Variants in DRAM2 observed in about 807,000 individuals in gnomAD.
DRAM2 encodes DNA damage-regulated autophagy modulator protein 2.
DRAM2 carries 26 observed loss-of-function variants against 33.5 expected under a neutral mutation model. That is an observed-to-expected ratio of 0.78 (90% CI 0.57 to 1.08). DRAM2 has a LOEUF of 1.08. Among genes scored for constraint, DRAM2 ranks in the 50% least tolerant of loss-of-function variants. The pLI is 0.00. For missense variants in DRAM2, 311 were observed against 318.1 expected (o/e 0.98, Z 0.17); for synonymous variants, 98 against 109.5 (o/e 0.89, Z 0.66).
chr1:111,134,282 TGAA>T (rs1289524557), intron 3 of DRAM2, among the ~76,000 whole-genome samples: 1 of 152,074 alleles, frequency 6.6e-6, no homozygotes. Flanking sequence ...ATTTCATGTT[TGAA>T]GGAGTATCTT....
intron 8 of DRAM2, 90 bp from the exon 9 acceptor site, chr1:111,118,987 T>C (rs183411951): frequency 7.0e-5 from 60 of 859,482 alleles, no homozygotes; most frequent in East Asian, 6.8e-4. Flanking sequence ...ACAATTCTTA[T>C]AAAATAATGG....
chr1:111,131,997 G>C (rs145106342), intron 3 of DRAM2, among the ~76,000 whole-genome samples: 2 of 152,240 alleles, frequency 1.3e-5, no homozygotes, highest in East Asian at 3.9e-4. Flanking sequence ...CTCTTAAAAC[G>C]CTTGGAATCT....
At chr1:111,138,386 A>C (rs1257205069) in intron 2 of DRAM2, among the ~76,000 whole-genome samples, 1 of 152,260 alleles carries the variant, frequency 6.6e-6, no homozygotes, top group African/African-American at 2.4e-5. Context: ...AGTAATTGCC[A>C]AACCAACAAA....
rs181815070 is a variant in DRAM2 at position 111,132,564 on chromosome 1, T to C, written c.-14-996A>G. Among the ~76,000 whole-genome samples the C allele has an allele frequency of 9.3e-4, 142 of 152,298 alleles. 3 individuals carry two copies. The highest frequency in any genetic ancestry group is 2.8e-4 in the Non-Finnish European group (19 of 68,020). On this transcript the variant is annotated intron_variant, in intron 3 of 9. Coordinates refer to ENST00000484310, the MANE Select transcript of DRAM2 (RefSeq NM_001349884.2). Reference sequence around the variant, plus strand: ...ATACCATCAGAATTGAATTAGGGGATATCCAATTGGTGTCAGCTGGTGGAG... The same window carrying C: ...ATACCATCAGAATTGAATTAGGGGACATCCAATTGGTGTCAGCTGGTGGAG...
chr1:111,118,171 T>C lies in DRAM2; in HGVS notation c.790A>G (p.Arg264Gly). The change falls in exon 10 of 10, where the codon AGA becomes GGA. Residue 264 changes from arginine (R) to glycine (G), a missense_variant. Physicochemically the swap from Arg to Gly is moderately radical, Grantham distance 125. Coordinates refer to ENST00000484310, the MANE Select transcript of DRAM2 (RefSeq NM_001349884.2). ...INNERTRLLS[R>G]DI ...ATTTTATCCTTTCATCAAATATCTC[T>C]GGAAAGTAGCCGTGTTCGTTCATTG... 1 of 1,612,258 alleles carries C rather than the reference T, an allele frequency of 6.2e-7. No individual in the cohort carries two copies. Among genetic ancestry groups the C allele is most frequent in the Non-Finnish European group, 8.5e-7 (1 of 1,178,484 alleles).
In DRAM2 at chr1:111,131,520, G is replaced by C; in HGVS notation, c.35C>G (p.Pro12Arg). Residue 12 changes from proline to arginine, a missense_variant, in exon 4 of 10, where the codon CCT becomes CGT. Coordinates refer to ENST00000484310, the MANE Select transcript of DRAM2 (RefSeq NM_001349884.2). Reference sequence around the variant, plus strand: ...AGATGTCCAAATTACAAGGGCTGAAGGAAGGAAACTGAGGCCTTGCTGAAA... The same window carrying C: ...AGATGTCCAAATTACAAGGGCTGAACGAAGGAAACTGAGGCCTTGCTGAAA... ...WWFQQGLSFL[P>R]SALVIWTSAA... 5.0e-6 allele frequency: 8 copies of C among 1,614,154 alleles called. No individual in the cohort carries two copies. The highest frequency in any genetic ancestry group is 6.8e-6 in the Non-Finnish European group (8 of 1,180,018).
intron 6 of DRAM2, among the ~76,000 whole-genome samples, chr1:111,122,800 A>G (rs1479084190): frequency 1.3e-5 from 2 of 152,178 alleles, no homozygotes; most frequent in Non-Finnish European, 2.9e-5. Context: ...GAGGGCATCT[A>G]AAGTTGCATG....
intron 3 of DRAM2, among the ~76,000 whole-genome samples, chr1:111,137,251 CAAAAAAAAAAAA>C (rs71580572): frequency 1.5e-5 from 1 of 68,680 alleles, no homozygotes; most frequent in Admixed American, 1.6e-4. Context: ...GATTCCATCT[CAAAAAAAAAAAA>C]AAAAAAAAAA....
Position 111,118,161 on chromosome 1 carries a change from C to T in DRAM2, c.800G>A (p.Ter267=), listed in dbSNP as rs757539365. Residue 267 remains the stop codon, a stop_retained_variant, in exon 10 of 10, where the codon TGA becomes TAA. Transcript: ENST00000484310. ...TTACAGAAATATTTTATCCTTTCATCAAATATCTCTGGAAAGTAGCCGTGT... is the reference window on the plus strand; with the variant it reads ...TTACAGAAATATTTTATCCTTTCATTAAATATCTCTGGAAAGTAGCCGTGT... ...ERTRLLSRDI[*] 6.2e-7 allele frequency: 1 copy of T among 1,608,940 alleles called. No individual in the cohort carries two copies. Among genetic ancestry groups the T allele is most frequent in the Non-Finnish European group, 8.5e-7 (1 of 1,175,534 alleles).
Position 111,119,908 on chromosome 1 carries a change from T to C in DRAM2, c.569A>G (p.Glu190Gly), listed in dbSNP as rs1414440232. The C allele has an allele frequency of 2.5e-6, 4 of 1,612,926 alleles. No homozygotes were observed. The highest frequency in any genetic ancestry group is 1.7e-5 in the Admixed American group (1 of 59,932). The change falls in exon 8 of 10, where the codon GAA (glutamate) becomes GGA (glycine). Residue 190 changes from glutamate to glycine, a missense_variant. By Grantham distance (98) the Glu-to-Gly change is moderately conservative (BLOSUM62 -2). Coordinates refer to ENST00000484310, the MANE Select transcript of DRAM2 (RefSeq NM_001349884.2). The part of the protein sequence containing the change: ...LHSGNFGTDL[E>G]QKLHWNPEDK... ...CTCGGGGTTCCAATGGAGTTTCTGT[T>C]CTAAATCAGTCCCAAAATTGCCACT...
At chr1:111,134,940 A>G (rs147137739) in intron 3 of DRAM2, among the ~76,000 whole-genome samples, 7 of 152,286 alleles carry the variant, frequency 4.6e-5, no homozygotes, top group African/African-American at 1.4e-4. Context: ...TTTTTAGATC[A>G]TGTAGATATG....
Position 111,118,233 on chromosome 1 carries a change from C to T in DRAM2, c.728G>A (p.Gly243Glu), listed in dbSNP as rs1038642150. Residue 243 changes from glycine to glutamate, a missense_variant, in exon 10 of 10, where the codon GGA becomes GAA. Transcript: ENST00000484310. ...AGGTGCAGTGTCATAGAGGGTTAAT[C>T]CATGTAAATTGGCTTCCACCCGTAA... is the stretch of plus-strand genomic sequence containing the variant. Reference protein sequence around the residue: ...ISLRVEANLHGLTLYDTAPCP... With the variant: ...ISLRVEANLHELTLYDTAPCP... 14 of 1,612,568 alleles carry T rather than the reference C, an allele frequency of 8.7e-6. No homozygotes were observed. Among genetic ancestry groups the T allele is most frequent in the Non-Finnish European group, 1.1e-5 (13 of 1,179,120 alleles).
intron 4 of DRAM2, 87 bp downstream of exon 4, chr1:111,131,337 A>T: frequency 7.3e-7 from 1 of 1,374,022 alleles, no homozygotes; most frequent in Non-Finnish European, 9.9e-7. Flanking sequence ...TCTGATTTTT[A>T]AAAGGTTGAC....
At position 111,124,781 on chromosome 1, in the gene DRAM2, T is replaced by A; in HGVS notation, c.300A>T (p.Ile100=). 1 of 1,613,534 alleles carries A rather than the reference T, an allele frequency of 6.2e-7. No individual in the cohort carries two copies. Among genetic ancestry groups the A allele is most frequent in the Non-Finnish European group, 8.5e-7 (1 of 1,179,682 alleles). The change falls in exon 6 of 10, where the codon ATA becomes ATT. Residue 100 remains isoleucine (I), a synonymous_variant. Coordinates refer to ENST00000484310, the MANE Select transcript of DRAM2 (RefSeq NM_001349884.2). Reference sequence around the variant, plus strand: ...CAATAGAAAGTCCTAAACAACTCAGTATTCCAAGTACAAGGCCAGCCTTGT... The same window carrying A: ...CAATAGAAAGTCCTAAACAACTCAGAATTCCAAGTACAAGGCCAGCCTTGT... The part of the protein sequence containing the change: ...KLNKAGLVLG[I]LSCLGLSIVA...
chr1:111,127,563 T>C (rs1651258412), intron 4 of DRAM2, among the ~76,000 whole-genome samples: 3 of 152,184 alleles, frequency 2.0e-5, no homozygotes, highest in Admixed American at 1.3e-4. Flanking sequence ...ATACAAAAGA[T>C]TTTGGTACTC....
At chr1:111,121,051 A>G (rs1426112550) in intron 6 of DRAM2, among the ~76,000 whole-genome samples, 1 of 152,096 alleles carries the variant, frequency 6.6e-6, no homozygotes, top group Non-Finnish European at 1.5e-5. Flanking sequence ...TCCAGCTCTG[A>G]GTTTAGTAAA....
chr1:111,128,607 C>A (rs1400423129), intron 4 of DRAM2, among the ~76,000 whole-genome samples: 1 of 152,164 alleles, frequency 6.6e-6, no homozygotes, highest in African/African-American at 2.4e-5. Context: ...TGCATATAAC[C>A]TATGCACATT....
At position 111,120,220 on chromosome 1, in the gene DRAM2, G is replaced by C. The variant is rs1238655054; in HGVS notation, c.518-261C>G. 3.3e-5 allele frequency among the ~76,000 whole-genome samples: 5 copies of C among 151,422 alleles called. No homozygotes were observed. In the East Asian group the frequency reaches 7.7e-4, roughly 23 times the overall value. On this transcript the variant is annotated intron_variant, in intron 7 of 9. Transcript: ENST00000484310. ...TATCATAATCTTTAACTAGATAATGGTTCTCAGAAAGGGCATTTACTCATC... is the reference window on the plus strand; with the variant it reads ...TATCATAATCTTTAACTAGATAATGCTTCTCAGAAAGGGCATTTACTCATC...
At position 111,120,592 on chromosome 1, in the gene DRAM2, C is replaced by T. The variant is rs755564656; in HGVS notation, c.441G>A (p.Gln147=). ...AGACTTGTTTGCCATGGATTTTGGG[C>T]TGCATTTGGTAGGAAAGGATGGTCT... ...FVQTILSYQM[Q]PKIHGKQVFW... is the part of the protein sequence containing the mutation. Residue 147 remains glutamine (Q), a synonymous_variant, in exon 7 of 10, where the codon CAG becomes CAA. Coordinates refer to ENST00000484310, the MANE Select transcript of DRAM2 (RefSeq NM_001349884.2). The T allele has an allele frequency of 1.9e-6, 3 of 1,611,892 alleles. No individual in the cohort carries two copies. The highest frequency in any genetic ancestry group is 2.5e-6 in the Non-Finnish European group (3 of 1,178,826).
Sources: gnomAD v4.1 joint callset for allele counts (sites outside exome capture counted in the v4.1 genomes callset) on GRCh38, gnomAD v4.1.1 for gene constraint, MANE v1.5 for transcripts, NCBI Gene and HGNC (gene_info 2026-07-23, HGNC 2026-07-21) for gene names.